RPS6KA5: variants seen among roughly 807,000 people sequenced by gnomAD.
RPS6KA5 encodes ribosomal protein S6 kinase A5, also known as ribosomal protein S6 kinase alpha-5.
A neutral mutation model predicts 85.5 loss-of-function variants in RPS6KA5; 27 were observed. The ratio of observed to expected loss-of-function variants is 0.32; its 90% CI spans 0.23 to 0.44. RPS6KA5 has a LOEUF of 0.44. RPS6KA5 is among the 20% of genes least tolerant of loss of function. The probability of loss-of-function intolerance (pLI) is 1.00; values close to 1 mark genes in which losing one functional copy is unlikely to be tolerated. For synonymous variants in RPS6KA5, 334 were observed against 348.2 expected (o/e 0.96, Z 0.46); for missense variants, 811 against 980.9 (o/e 0.83, Z 2.31).
In RPS6KA5 at chr14:90,858,448, G is replaced by GGAAATAC. The variant is rs1393613449; in HGVS notation, c.*13619_*13625dup. ...TCGAGAATTATTATACTTTGTAAAT[G>GGAAATAC]GAAATACCACTACTAAGAACAGAAT... On this transcript the variant is annotated 3_prime_UTR_variant, in exon 17 of 17. Transcript: ENST00000614987. The GGAAATAC allele has an allele frequency of 6.6e-6, 1 of 152,114 alleles. No homozygotes were observed. Among genetic ancestry groups the GGAAATAC allele is most frequent in the Non-Finnish European group, 1.5e-5 (1 of 68,026 alleles). 9.4% of individuals were successfully genotyped at this position (152,114 alleles called of 1,614,324 possible).
At chr14:91,055,819 G>T (rs1026564072) in intron 1 of RPS6KA5, among the ~76,000 whole-genome samples, 1 of 152,162 alleles carries the variant, frequency 6.6e-6, no homozygotes, top group Non-Finnish European at 1.5e-5. Flanking sequence ...GTTCCACCTC[G>T]CTGTCTCTCA....
intron 1 of RPS6KA5, among the ~76,000 whole-genome samples, chr14:91,043,662 T>A (rs12882435): frequency 0.52 from 79,455 of 152,064 alleles, 21,062 homozygotes; most frequent in Non-Finnish European, 0.56. Context: ...ATACCATAGA[T>A]GTCCATCAGA....
intron 7 of RPS6KA5, among the ~76,000 whole-genome samples, chr14:90,914,880 G>T (rs1304447147): frequency 6.6e-6 from 1 of 152,212 alleles, no homozygotes; most frequent in Non-Finnish European, 1.5e-5. Context: ...CGAATGTGTA[G>T]ATGAGTAGCT....
chr14:91,049,218 G>C (rs1382828502), intron 1 of RPS6KA5, among the ~76,000 whole-genome samples: 1 of 152,170 alleles, frequency 6.6e-6, no homozygotes, highest in Non-Finnish European at 1.5e-5. Flanking sequence ...TTAGAGTACT[G>C]TTAATAATCT....
At chr14:91,032,564 G>A (rs2042226891) in intron 1 of RPS6KA5, among the ~76,000 whole-genome samples, 1 of 152,136 alleles carries the variant, frequency 6.6e-6, no homozygotes, top group Non-Finnish European at 1.5e-5. Context: ...AAAATGTGGT[G>A]CTGCATGAAT....
intron 2 of RPS6KA5, among the ~76,000 whole-genome samples, chr14:90,982,509 G>A (rs2039840325): frequency 1.3e-5 from 2 of 152,280 alleles, no homozygotes; most frequent in South Asian, 2.1e-4. Context: ...TGCTTGGATG[G>A]AGCTGCTTAA....
At position 91,020,918 on chromosome 14, in the gene RPS6KA5, G is replaced by A. The variant is rs538647352; in HGVS notation, c.104-19759C>T. ...TTCACTGGCACTTCATCATCATTCA[G>A]GTTATGCATGTTCAATACTTAGGTG... On this transcript the variant is annotated intron_variant, in intron 1 of 16. Transcript: ENST00000614987. Among the ~76,000 whole-genome samples, 32 of 151,998 alleles carry A rather than the reference G, an allele frequency of 2.1e-4. 1 individual carries two copies. In the Middle Eastern group the frequency reaches 0.014, roughly 65 times the overall value.
At chr14:90,879,628 C>T (rs145307609) in intron 14 of RPS6KA5, among the ~76,000 whole-genome samples, 4 of 152,154 alleles carry the variant, frequency 2.6e-5, no homozygotes, top group African/African-American at 4.8e-5. Flanking sequence ...GGTGATGACA[C>T]GTGGCCAGCC....
rs1388651715 is a variant in RPS6KA5, at chr14:90,856,176, T to C, written c.*15898A>G. On this transcript the variant is annotated 3_prime_UTR_variant, in exon 17 of 17. Coordinates refer to ENST00000614987, the MANE Select transcript of RPS6KA5 (RefSeq NM_004755.4). ...GTTAAGCTGGAACTTTGGTGTTTCC[T>C]GTAAGAGGCAAGTTTACTTTGTCCC... 6.6e-6 allele frequency: 1 copy of C among 152,178 alleles called. No individual in the cohort carries two copies. The highest frequency in any genetic ancestry group is 1.5e-5 in the Non-Finnish European group (1 of 68,038). 9.4% of individuals were successfully genotyped at this position (152,178 alleles called of 1,614,324 possible).
intron 3 of RPS6KA5, among the ~76,000 whole-genome samples, chr14:90,970,020 G>A (rs1053465783): frequency 1.3e-5 from 2 of 151,834 alleles, no homozygotes; most frequent in African/African-American, 4.8e-5. Context: ...TCTCTTGATA[G>A]CTCCCTTTTC....
At chr14:90,961,817 GTACT>G (rs1187331138) in intron 3 of RPS6KA5, among the ~76,000 whole-genome samples, 1 of 152,080 alleles carries the variant, frequency 6.6e-6, no homozygotes, top group Non-Finnish European at 1.5e-5. Context: ...CTCAAAAAAA[GTACT>G]GTACCTTGAA....
intron 14 of RPS6KA5, among the ~76,000 whole-genome samples, chr14:90,890,187 T>C (rs1041830748): frequency 6.6e-6 from 1 of 152,238 alleles, no homozygotes; most frequent in Non-Finnish European, 1.5e-5. Context: ...ATTTTCACAT[T>C]ATGTCCAATA....
At chr14:90,983,176 C>G (rs1013398158) in intron 2 of RPS6KA5, among the ~76,000 whole-genome samples, 1 of 149,866 alleles carries the variant, frequency 6.7e-6, no homozygotes, top group Non-Finnish European at 1.5e-5. Flanking sequence ...ACACAGGAGG[C>G]TAAGGCAGGA....
intron 1 of RPS6KA5, among the ~76,000 whole-genome samples, chr14:91,034,841 G>A (rs569943708): frequency 3.9e-5 from 6 of 151,984 alleles, no homozygotes; most frequent in Admixed American, 2.0e-4. Context: ...AATAAATTTC[G>A]GACACAGTGA....
Position 91,001,291 on chromosome 14 carries a change from T to C in RPS6KA5, c.104-132A>G, listed in dbSNP as rs964169795. Reference sequence around the variant, plus strand: ...TAACCAGGGTTTGCTTTATAATTATTTGTTAAACAGTATAGCATATTTTGC... The same window carrying C: ...TAACCAGGGTTTGCTTTATAATTATCTGTTAAACAGTATAGCATATTTTGC... On this transcript the variant is annotated intron_variant, in intron 1 of 16. Transcript: ENST00000614987. The C allele has an allele frequency of 8.2e-6, 5 of 612,898 alleles. No individual in the cohort carries two copies. The African/African-American group carries it at 9.3e-5, about 11-fold the overall frequency. The allele number at this position is 612,898 out of a possible 1,614,324, so 38.0% of individuals were successfully genotyped here. A position where few individuals can be genotyped will look rare whatever the true frequency, so the allele number is the denominator to read the frequency against.
intron 5 of RPS6KA5, among the ~76,000 whole-genome samples, chr14:90,931,857 G>A (rs2037001322): frequency 6.6e-6 from 1 of 152,054 alleles, no homozygotes; most frequent in African/African-American, 2.4e-5. Context: ...TAAAATAAAT[G>A]AAACATCCCA....
At chr14:90,920,608 T>C (rs2036356191) in intron 6 of RPS6KA5, among the ~76,000 whole-genome samples, 1 of 151,822 alleles carries the variant, frequency 6.6e-6, no homozygotes, top group African/African-American at 2.4e-5. Flanking sequence ...GATATTTCTT[T>C]GGGCTTATGA....
At chr14:91,010,172 T>G (rs940075826) in intron 1 of RPS6KA5, among the ~76,000 whole-genome samples, 2 of 152,276 alleles carry the variant, frequency 1.3e-5, no homozygotes, top group Non-Finnish European at 2.9e-5. Context: ...CTTTACTAAA[T>G]TTTTTAAAGT....
At chr14:91,059,957 C>T (rs2043566959) in intron 1 of RPS6KA5, 1 of 869,428 alleles carries the variant, frequency 1.2e-6, no homozygotes, top group Non-Finnish European at 1.4e-6. Flanking sequence ...AAGCGCCGCT[C>T]GCCCCACGCG....
Sources: gnomAD v4.1 joint callset for allele counts (sites outside exome capture counted in the v4.1 genomes callset) on GRCh38, gnomAD v4.1.1 for gene constraint, MANE v1.5 for transcripts, NCBI Gene and HGNC (gene_info 2026-07-23, HGNC 2026-07-21) for gene names.